LIMK1: variants seen among roughly 807,000 people sequenced by gnomAD.
The protein encoded by LIMK1 is LIM motif-containing protein kinase.
In LIMK1, 21 loss-of-function variants were observed where a neutral mutation model predicts 77.6. The observed-to-expected ratio is 0.27, with a 90% CI of 0.19 to 0.39. The LOEUF (loss-of-function observed/expected upper bound fraction) is 0.39. LIMK1 is among the 10% of genes least tolerant of loss of function. LIMK1 has a pLI of 1.00. For missense variants in LIMK1, 696 were observed against 901.6 expected, an observed-to-expected ratio of 0.77 and a Z score of 2.92; for synonymous variants, 358 against 370.0, an observed-to-expected ratio of 0.97 and a Z score of 0.37.
chr7:74,111,447 A>G (rs1260853386), intron 10 of LIMK1: 2 of 580,462 alleles, frequency 3.4e-6, no homozygotes, highest in Non-Finnish European at 6.2e-6. Context: ...AAAGAAAAAA[A>G]AAAAAGGAAA....
chr7:74,112,589 T>C (rs1799723413), intron 12 of LIMK1, among the ~76,000 whole-genome samples: 1 of 151,768 alleles, frequency 6.6e-6, no homozygotes, highest in African/African-American at 2.4e-5. Context: ...CCGAGGTGGG[T>C]GGATCACTTG....
At chr7:74,108,784 C>G in intron 9 of LIMK1, 121 bp from the exon 10 acceptor site, 1 of 1,459,734 alleles carries the variant, frequency 6.9e-7, no homozygotes. Context: ...GAGAGGGGAG[C>G]TGGGGGTTCC....
At chr7:74,104,457 C>G (rs977585675) in intron 5 of LIMK1, among the ~76,000 whole-genome samples, 1 of 151,986 alleles carries the variant, frequency 6.6e-6, no homozygotes, top group Non-Finnish European at 1.5e-5. Flanking sequence ...GAAACCCCAT[C>G]TGTACTAAAA....
chr7:74,112,592 A>C (rs144368597), intron 12 of LIMK1, among the ~76,000 whole-genome samples: 50 of 152,214 alleles, frequency 3.3e-4, no homozygotes, highest in African/African-American at 9.1e-4. Flanking sequence ...AGGTGGGTGG[A>C]TCACTTGAAG....
At chr7:74,101,116 T>C (rs1227998315) in intron 5 of LIMK1, among the ~76,000 whole-genome samples, 4 of 152,194 alleles carry the variant, frequency 2.6e-5, no homozygotes, top group Admixed American at 2.6e-4. Context: ...ATAGGCACTG[T>C]TGAGATGTGA....
intron 2 of LIMK1, chr7:74,093,096 C>G (rs1243908291): frequency 2.1e-6 from 3 of 1,402,896 alleles, no homozygotes; most frequent in Non-Finnish European, 1.9e-6. Context: ...CTGGCACCCA[C>G]GCGGCTGCAG....
intron 4 of LIMK1, 95 bp downstream of exon 4, chr7:74,097,284 T>C (rs1424664567): frequency 1.3e-5 from 9 of 690,546 alleles, no homozygotes; most frequent in Non-Finnish European, 1.9e-5. Flanking sequence ...CTCCTGCCCT[T>C]TCCCATGGGG....
intron 2 of LIMK1, among the ~76,000 whole-genome samples, chr7:74,087,533 C>T (rs1584104707): frequency 6.6e-6 from 1 of 152,178 alleles, no homozygotes; most frequent in Non-Finnish European, 1.5e-5. Context: ...GGATGCCCAG[C>T]AGGGGTCAAG....
At chr7:74,086,045 T>A (rs542781130) in intron 2 of LIMK1, among the ~76,000 whole-genome samples, 6 of 152,218 alleles carry the variant, frequency 3.9e-5, no homozygotes, top group Admixed American at 1.3e-4. Flanking sequence ...ATTTTATTTA[T>A]CTATTTTTTT....
intron 9 of LIMK1, among the ~76,000 whole-genome samples, chr7:74,108,662 G>A (rs1441661559): frequency 3.0e-4 from 45 of 149,296 alleles, no homozygotes; most frequent in Non-Finnish European, 4.6e-4. Flanking sequence ...AAAAAAAAAA[G>A]AAAAGAAAAA....
At chr7:74,096,513 A>C in intron 2 of LIMK1, 109 bp from the exon 3 acceptor site, 1 of 1,469,852 alleles carries the variant, frequency 6.8e-7, no homozygotes, top group Non-Finnish European at 9.3e-7. Context: ...AAACAAACAA[A>C]AAGAAAACTT....
At chr7:74,098,912 CAAAAAAAAAA>C in intron 4 of LIMK1, 110 bp from the exon 5 acceptor site, 1 of 585,714 alleles carries the variant, frequency 1.7e-6, no homozygotes, top group South Asian at 2.1e-5. Context: ...GACTCCATCT[CAAAAAAAAAA>C]AAAAAAAAGG....
intron 2 of LIMK1, among the ~76,000 whole-genome samples, chr7:74,086,076 C>G (rs782607490): frequency 1.3e-5 from 2 of 152,210 alleles, no homozygotes. Flanking sequence ...GACGGAGTCT[C>G]GCTCTGTCAC....
intron 5 of LIMK1, among the ~76,000 whole-genome samples, chr7:74,103,380 C>T (rs111277935): frequency 4.5e-4 from 68 of 151,866 alleles, no homozygotes; most frequent in African/African-American, 1.6e-3. Context: ...CGTGAGCCAT[C>T]GTACCTGCCC....
chr7:74,120,863 G>A (rs1364879384), intron 14 of LIMK1, 29 bp from the exon 15 acceptor site: 2 of 1,613,662 alleles, frequency 1.2e-6, no homozygotes, highest in Middle Eastern at 1.6e-4. Flanking sequence ...GGGCCCCCTG[G>A]AGTAACTGCC....
intron 2 of LIMK1, among the ~76,000 whole-genome samples, chr7:74,093,738 T>TC (rs2115644962): frequency 6.6e-6 from 1 of 152,216 alleles, no homozygotes; most frequent in African/African-American, 2.4e-5. Flanking sequence ...GGCATGGCTC[T>TC]CCCCCGAGGG....
intron 5 of LIMK1, among the ~76,000 whole-genome samples, chr7:74,103,768 TC>T (rs1235154959): frequency 6.6e-6 from 1 of 152,050 alleles, no homozygotes; most frequent in East Asian, 1.9e-4. Context: ...GAAGAGCTTC[TC>T]CCCCATACGA....
chr7:74,094,945 T>C (rs1799310862), intron 2 of LIMK1, among the ~76,000 whole-genome samples: 1 of 152,172 alleles, frequency 6.6e-6, no homozygotes, highest in South Asian at 2.1e-4. Context: ...TGGCATTTTC[T>C]GCTCCCCCTT....
In LIMK1 at chr7:74,093,235, G is replaced by A. The variant is rs1426985988; in HGVS notation, c.153-3387G>A. 1.4e-5 allele frequency: 21 copies of A among 1,535,660 alleles called. No individual in the cohort carries two copies. The African/African-American group carries it at 2.7e-4, about 20-fold the overall frequency. ...CTCCCTTAGACCTCCAGAGCCCCCAGTGTAGCCACAGAGGATGCTGTTGGC... is the reference window on the plus strand; with the variant it reads ...CTCCCTTAGACCTCCAGAGCCCCCAATGTAGCCACAGAGGATGCTGTTGGC... On this transcript the variant is annotated intron_variant, in intron 2 of 15. Transcript: ENST00000336180.
Sources: allele counts gnomAD v4.1 joint callset (sites outside exome capture counted in the v4.1 genomes callset), GRCh38; gene constraint gnomAD v4.1.1; transcripts MANE v1.5; gene names NCBI Gene and HGNC (gene_info 2026-07-23, HGNC 2026-07-21).